Variants in FMN1 observed in about 807,000 individuals in gnomAD.
FMN1 encodes the protein formin 1, also known as formin-1.
In FMN1, 110 loss-of-function variants were observed where a neutral mutation model predicts 132.4. The observed-to-expected ratio is 0.83, with a 90% CI of 0.71 to 0.97. The LOEUF is 0.97. FMN1 is among the 50% of genes least tolerant of loss of function. The pLI, the probability that FMN1 is intolerant of heterozygous loss-of-function variation, is 0.00. For synonymous variants in FMN1, 722 were observed against 651.7 expected, an observed-to-expected ratio of 1.11 and a Z score of -1.64; for missense variants, 1,792 against 1,705.3, an observed-to-expected ratio of 1.05 and a Z score of -0.90.
intron 19 of FMN1, among the ~76,000 whole-genome samples, chr15:32,795,810 G>A (rs983441299): frequency 3.3e-5 from 5 of 152,184 alleles, no homozygotes; most frequent in Non-Finnish European, 7.3e-5. Context: ...TTGTGCCTGG[G>A]CTCAGAAGTT....
chr15:32,963,992 G>C, intron 9 of FMN1, 115 bp downstream of exon 9: 1 of 435,552 alleles, frequency 2.3e-6, no homozygotes, highest in Non-Finnish European at 3.8e-6. Context: ...ATATGTATAG[G>C]TATGTGTGTG....
intron 5 of FMN1, among the ~76,000 whole-genome samples, chr15:33,084,011 C>G (rs2038592295): frequency 6.6e-6 from 1 of 152,152 alleles, no homozygotes; most frequent in Admixed American, 6.5e-5. Flanking sequence ...CTTATATGGT[C>G]TAAAAAGGGG....
intron 9 of FMN1, among the ~76,000 whole-genome samples, chr15:32,944,240 CCTT>C (rs1170643499): frequency 1.3e-5 from 2 of 152,198 alleles, no homozygotes; most frequent in East Asian, 1.9e-4. Flanking sequence ...TCCTTGGTCC[CCTT>C]CTTCTTCCCT....
chr15:32,804,103 C>T (rs1339523630), intron 18 of FMN1, among the ~76,000 whole-genome samples, 178 bp downstream of exon 18: 2 of 151,904 alleles, frequency 1.3e-5, no homozygotes, highest in African/African-American at 4.8e-5. Flanking sequence ...ACGGTGGTTG[C>T]CTAGGGACAG....
At chr15:32,833,995 T>C (rs2058566134) in intron 17 of FMN1, among the ~76,000 whole-genome samples, 1 of 152,194 alleles carries the variant, frequency 6.6e-6, no homozygotes, top group Non-Finnish European at 1.5e-5. Context: ...TTTGTCATCT[T>C]CACCCTGACC....
In FMN1 at chr15:33,154,291, C is replaced by G. The variant is rs1465352282; in HGVS notation, c.624G>C (p.Arg208Ser). ...TCTCCTCTAGTACCCAAAGGTTAGG[C>G]CTTGTTCTAGAAAGAGGAAGGGAGT... ...SSHSLPLSRT[R>S]PNLWVLEEKG... Residue 208 changes from arginine (R) to serine (S), a missense_variant, in exon 4 of 21, where the codon AGG becomes AGC. Physicochemically the swap from Arg to Ser is moderately radical, Grantham distance 110. Coordinates refer to ENST00000616417, the MANE Select transcript of FMN1 (RefSeq NM_001277313.2). 4 of 1,536,180 alleles carry G rather than the reference C, an allele frequency of 2.6e-6. No individual in the cohort carries two copies. In the Admixed American group the frequency reaches 7.8e-5, roughly 30 times the overall value.
chr15:32,919,197 G>C (rs2060759177), intron 10 of FMN1, among the ~76,000 whole-genome samples: 1 of 151,984 alleles, frequency 6.6e-6, no homozygotes, highest in Non-Finnish European at 1.5e-5. Context: ...TCTAAAATCT[G>C]GTTTTAACTA....
Position 32,776,853 on chromosome 15 carries a change from G to C in FMN1, c.4197C>G (p.Ile1399Met), listed in dbSNP as rs767158495. 2 of 1,589,616 alleles carry C rather than the reference G, an allele frequency of 1.3e-6. No individual in the cohort carries two copies. The highest frequency in any genetic ancestry group is 1.7e-6 in the Non-Finnish European group (2 of 1,164,298). ...TSEKKVETKK[I>M]NPTASLKERL... ...ATCTCACCAGGCTAGCAGTGGGATT[G>C]ATTTTCTTTGTCTCCACTTTCTTCT... Residue 1399 changes from isoleucine (I) to methionine (M), a missense_variant, in exon 20 of 21, where the codon ATC (isoleucine) becomes ATG (methionine). Around this residue, in one of 3 missense-constraint regions of FMN1, gnomAD observed 1,150 missense variants for 1,043.1 expected, o/e 1.10. Coordinates refer to ENST00000616417, the MANE Select transcript of FMN1 (RefSeq NM_001277313.2).
intron 6 of FMN1, among the ~76,000 whole-genome samples, chr15:33,055,731 AT>A (rs2141200962): frequency 6.6e-6 from 1 of 152,330 alleles, no homozygotes; most frequent in South Asian, 2.1e-4. Flanking sequence ...GCTTAGAAAA[AT>A]AAGAAGGCTC....
rs1229663489 is a variant in FMN1, at chr15:32,769,602, T to C, written c.*4708A>G. The C allele has an allele frequency of 6.6e-6, 1 of 152,262 alleles. No homozygotes were observed. The highest frequency in any genetic ancestry group is 2.4e-5 in the African/African-American group (1 of 41,466). The allele number at this position is 152,262 out of a possible 1,614,324, so 9.4% of individuals were successfully genotyped here. On this transcript the variant is annotated 3_prime_UTR_variant, in exon 21 of 21. Transcript: ENST00000616417. ...GCTTTTCTTTAAGCCACTTCTATAC[T>C]AATAACAGTTTCCAGGCAGCTGGAT...
chr15:33,090,123 T>C (rs1478795009), intron 4 of FMN1, among the ~76,000 whole-genome samples: 1 of 152,200 alleles, frequency 6.6e-6, no homozygotes, highest in Non-Finnish European at 1.5e-5. Context: ...GTAAGCAACC[T>C]TGGCAAAATT....
intron 16 of FMN1, among the ~76,000 whole-genome samples, chr15:32,879,350 G>A (rs1264125565): frequency 6.6e-6 from 1 of 152,182 alleles, no homozygotes; most frequent in Non-Finnish European, 1.5e-5. Flanking sequence ...CTCAGACTTA[G>A]TAAACTACTG....
intron 3 of FMN1, among the ~76,000 whole-genome samples, chr15:33,176,903 C>T (rs1415127096): frequency 6.6e-6 from 1 of 152,194 alleles, no homozygotes; most frequent in African/African-American, 2.4e-5. Flanking sequence ...GCAGCTAAGA[C>T]ACTGCTTAAG....
intron 4 of FMN1, among the ~76,000 whole-genome samples, chr15:33,144,432 C>T (rs1264502334): frequency 6.6e-6 from 1 of 151,950 alleles, no homozygotes; most frequent in Non-Finnish European, 1.5e-5. Context: ...GTCAGGAGAT[C>T]AAGACCATCC....
intron 7 of FMN1, among the ~76,000 whole-genome samples, chr15:32,970,074 G>C (rs1472189046): frequency 2.0e-5 from 3 of 152,098 alleles, no homozygotes; most frequent in Non-Finnish European, 4.4e-5. Context: ...CAATAAATAA[G>C]GAACAGAGAA....
At chr15:32,815,003 T>A (rs1467257816) in intron 17 of FMN1, among the ~76,000 whole-genome samples, 2 of 152,060 alleles carry the variant, frequency 1.3e-5, no homozygotes, top group African/African-American at 2.4e-5. Flanking sequence ...AGTGCAGTGG[T>A]GCGATCTCGG....
Position 32,791,583 on chromosome 15 carries a change from G to A in FMN1, c.4130+7221C>T, listed in dbSNP as rs138056106. Among the ~76,000 whole-genome samples, 423 of 152,308 alleles carry A rather than the reference G, an allele frequency of 2.8e-3. 7 individuals are homozygous for A. The highest frequency in any genetic ancestry group is 9.6e-3 in the African/African-American group (397 of 41,562). ...AGGAAATAGAAAACCTCTAGGCAGA[G>A]AGAAGAGTTAGAAGGATGTTTCAAT... On this transcript the variant is annotated intron_variant, in intron 19 of 20. Coordinates refer to ENST00000616417, the MANE Select transcript of FMN1 (RefSeq NM_001277313.2).
chr15:33,031,491 A>G (rs2035935862), intron 6 of FMN1, among the ~76,000 whole-genome samples: 1 of 151,884 alleles, frequency 6.6e-6, no homozygotes, highest in Admixed American at 6.6e-5. Flanking sequence ...ATTCATCCCC[A>G]CCCACAGGTT....
intron 4 of FMN1, among the ~76,000 whole-genome samples, chr15:33,107,467 C>G (rs562540615): frequency 2.0e-5 from 3 of 152,034 alleles, no homozygotes; most frequent in African/African-American, 4.8e-5. Flanking sequence ...GGACTTGATC[C>G]CCGCCTATCA....
Sources: gnomAD v4.1 joint callset for allele counts (sites outside exome capture counted in the v4.1 genomes callset) on GRCh38, gnomAD v4.1.1 for gene constraint, gnomAD v4.1.1 regional missense constraint, MANE v1.5 for transcripts, NCBI Gene and HGNC (gene_info 2026-07-23, HGNC 2026-07-21) for gene names.